Variants in PRKCA observed in about 807,000 individuals in gnomAD.
PRKCA encodes the protein protein kinase C alpha type.
In PRKCA, 27 loss-of-function variants were observed where a neutral mutation model predicts 87.0. The observed-to-expected ratio is 0.31, with a 90% CI of 0.23 to 0.43. The LOEUF (loss-of-function observed/expected upper bound fraction) is 0.43, where lower values mean the gene tolerates loss of function less well. PRKCA is among the 20% of genes least tolerant of loss of function. The probability of loss-of-function intolerance (pLI) is 1.00; values close to 1 mark genes in which losing one functional copy is unlikely to be tolerated. For missense variants in PRKCA, 518 were observed against 852.3 expected (o/e 0.61, Z 4.88); for synonymous variants, 329 against 311.1 (o/e 1.06, Z -0.61).
chr17:66,694,699 G>A (rs1231326423), intron 8 of PRKCA, among the ~76,000 whole-genome samples: 1 of 148,498 alleles, frequency 6.7e-6, no homozygotes, highest in African/African-American at 2.5e-5. Flanking sequence ...ACAAAATCTG[G>A]GATCTGAATC....
intron 3 of PRKCA, among the ~76,000 whole-genome samples, chr17:66,559,747 C>T (rs1968624863): frequency 1.3e-5 from 2 of 152,082 alleles, no homozygotes. Flanking sequence ...AATCCCAGAA[C>T]GGTTTCAAGT....
At chr17:66,502,336 G>A (rs1916771799) in intron 3 of PRKCA, among the ~76,000 whole-genome samples, 1 of 151,616 alleles carries the variant, frequency 6.6e-6, no homozygotes, top group African/African-American at 2.4e-5. Flanking sequence ...CCGGATTCAA[G>A]CGATTCTCTT....
chr17:66,663,425 AG>A (rs1408816219), intron 5 of PRKCA, among the ~76,000 whole-genome samples: 3 of 152,162 alleles, frequency 2.0e-5, no homozygotes, highest in African/African-American at 7.2e-5. Context: ...GGGTTATTTC[AG>A]TTCGGTTTAG....
At chr17:66,727,133 G>A (rs1001961837) in intron 8 of PRKCA, among the ~76,000 whole-genome samples, 1 of 152,166 alleles carries the variant, frequency 6.6e-6, no homozygotes, top group Non-Finnish European at 1.5e-5. Flanking sequence ...GTGGGACCTC[G>A]ACCTCAGCTG....
chr17:66,518,674 A>C (rs1025876333), intron 3 of PRKCA, among the ~76,000 whole-genome samples: 2 of 152,230 alleles, frequency 1.3e-5, no homozygotes. Context: ...AGACATTTAA[A>C]AATAGTCACA....
At chr17:66,707,921 T>C (rs1973229553) in intron 8 of PRKCA, among the ~76,000 whole-genome samples, 1 of 152,170 alleles carries the variant, frequency 6.6e-6, no homozygotes, top group South Asian at 2.1e-4. Flanking sequence ...GCTGAAAAGA[T>C]TATGGCTCGC....
intron 1 of PRKCA, among the ~76,000 whole-genome samples, chr17:66,303,517 T>G (rs1482049868): frequency 6.6e-6 from 1 of 151,840 alleles, no homozygotes; most frequent in African/African-American, 2.4e-5. Flanking sequence ...GGGGTTGTGT[T>G]TGTGCTTCCC....
intron 3 of PRKCA, among the ~76,000 whole-genome samples, chr17:66,537,866 C>CATG (rs1248299214): frequency 6.6e-6 from 1 of 152,104 alleles, no homozygotes; most frequent in Non-Finnish European, 1.5e-5. Context: ...AGTGCATTGG[C>CATG]ATGATCTCGG....
chr17:66,355,904 G>T (rs754707940), intron 2 of PRKCA, among the ~76,000 whole-genome samples: 8 of 152,152 alleles, frequency 5.3e-5, no homozygotes, highest in Non-Finnish European at 8.8e-5. Flanking sequence ...TGATTAAAGT[G>T]ATGTTTTTTT....
chr17:66,708,005 A>G (rs944350461), intron 8 of PRKCA, among the ~76,000 whole-genome samples: 2 of 152,148 alleles, frequency 1.3e-5, no homozygotes, highest in South Asian at 2.1e-4. Context: ...AGCTCCCTAC[A>G]TGGGGTCCAG....
At chr17:66,352,558 G>GTTTTTTTTT (rs56317931) in intron 2 of PRKCA, among the ~76,000 whole-genome samples, 48 of 83,750 alleles carry the variant, frequency 5.7e-4, no homozygotes, top group Admixed American at 1.2e-3. Flanking sequence ...GTTTTTTGAG[G>GTTTTTTTTT]TTTTTTTTTT....
intron 3 of PRKCA, among the ~76,000 whole-genome samples, chr17:66,519,670 T>C (rs1395609035): frequency 6.6e-6 from 1 of 152,216 alleles, no homozygotes; most frequent in Non-Finnish European, 1.5e-5. Context: ...CCACACTTTC[T>C]TTAACATTTC....
chr17:66,474,174 T>G (rs1434488522), intron 2 of PRKCA, among the ~76,000 whole-genome samples: 1 of 152,122 alleles, frequency 6.6e-6, no homozygotes, highest in Non-Finnish European at 1.5e-5. Context: ...TGACCTAACA[T>G]TATACAATTT....
intron 3 of PRKCA, among the ~76,000 whole-genome samples, chr17:66,545,522 A>G (rs1304788798): frequency 6.6e-6 from 1 of 152,172 alleles, no homozygotes; most frequent in African/African-American, 2.4e-5. Flanking sequence ...TTAATCCTAC[A>G]TCACATCATG....
intron 13 of PRKCA, among the ~76,000 whole-genome samples, chr17:66,760,751 C>T (rs1395303641): frequency 1.3e-5 from 2 of 152,202 alleles, no homozygotes; most frequent in African/African-American, 2.4e-5. Flanking sequence ...GCATGGAAAA[C>T]TACAGACTAA....
chr17:66,414,329 C>T (rs984655596), intron 2 of PRKCA, among the ~76,000 whole-genome samples: 29 of 152,158 alleles, frequency 1.9e-4, no homozygotes, highest in African/African-American at 7.0e-4. Context: ...CACCTCCCTG[C>T]TCCCTCTTTC....
At chr17:66,501,259 A>T (rs1261523970) in intron 3 of PRKCA, among the ~76,000 whole-genome samples, 1 of 152,206 alleles carries the variant, frequency 6.6e-6, no homozygotes, top group Non-Finnish European at 1.5e-5. Context: ...AGTTGAGAGT[A>T]TGCATTAGTG....
At chr17:66,415,075 A>G (rs1460210890) in intron 2 of PRKCA, 1 of 152,082 alleles carries the variant, frequency 6.6e-6, no homozygotes, top group Non-Finnish European at 1.5e-5. Flanking sequence ...CACATTTTCC[A>G]AATTTTCACA....
At chr17:66,496,944 C>T (rs572152900) in intron 3 of PRKCA, among the ~76,000 whole-genome samples, 57 of 152,112 alleles carry the variant, frequency 3.7e-4, no homozygotes, top group Middle Eastern at 3.4e-3. Flanking sequence ...GGCCCTGCCA[C>T]CCTTCAGTTT....
Sources: gnomAD v4.1 joint callset for allele counts (sites outside exome capture counted in the v4.1 genomes callset) on GRCh38, gnomAD v4.1.1 for gene constraint, MANE v1.5 for transcripts, NCBI Gene and HGNC (gene_info 2026-07-23, HGNC 2026-07-21) for gene names.